The following FNDC3B variants were observed in gnomAD, a reference collection of about 807,000 sequenced individuals.
FNDC3B encodes fibronectin type III domain-containing protein 3B.
A neutral mutation model predicts 151.5 loss-of-function variants in FNDC3B; 12 were observed. The ratio of observed to expected loss-of-function variants is 0.08; its 90% confidence interval spans 0.05 to 0.13. The LOEUF (loss-of-function observed/expected upper bound fraction) is 0.13. Among genes scored for constraint, FNDC3B ranks in the 10% least tolerant of loss-of-function variants. FNDC3B has a pLI of 1.00. For synonymous variants in FNDC3B, 528 were observed against 549.0 expected, an observed-to-expected ratio of 0.96 and a Z score of 0.54; for missense variants, 1,214 against 1,505.3, an observed-to-expected ratio of 0.81 and a Z score of 3.20.
At chr3:172,134,188 A>G (rs1721247832) in intron 3 of FNDC3B, among the ~76,000 whole-genome samples, 2 of 152,138 alleles carry the variant, frequency 1.3e-5, no homozygotes, top group African/African-American at 4.8e-5. Flanking sequence ...AGGTGTAGGT[A>G]AGGCTTTTGG....
chr3:172,259,508 A>T (rs1728532849), intron 6 of FNDC3B, among the ~76,000 whole-genome samples: 1 of 152,230 alleles, frequency 6.6e-6, no homozygotes, highest in South Asian at 2.1e-4. Context: ...GCTGCTCATT[A>T]ACATGCGCTT....
intron 3 of FNDC3B, among the ~76,000 whole-genome samples, chr3:172,156,016 T>A (rs1722464446): frequency 6.6e-6 from 1 of 152,212 alleles, no homozygotes; most frequent in African/African-American, 2.4e-5. Context: ...AGACTCTTTT[T>A]CTAAATGGTT....
At chr3:172,205,678 G>A (rs1725388839) in intron 3 of FNDC3B, among the ~76,000 whole-genome samples, 1 of 152,196 alleles carries the variant, frequency 6.6e-6, no homozygotes, top group Admixed American at 6.5e-5. Flanking sequence ...ATTTCTTGGA[G>A]TATGTGTATC....
At chr3:172,396,793 G>A (rs556895715) in intron 25 of FNDC3B, among the ~76,000 whole-genome samples, 5 of 152,180 alleles carry the variant, frequency 3.3e-5, no homozygotes, top group Non-Finnish European at 7.3e-5. Flanking sequence ...ACCCCTGTCC[G>A]TGGAAAACTT....
rs575777889 is a variant in FNDC3B at position 172,169,156 on chromosome 3, G to A, written c.187+35610G>A. Among the ~76,000 whole-genome samples the A allele has an allele frequency of 2.0e-5, 3 of 152,214 alleles. No individual in the cohort carries two copies. The South Asian group carries it at 6.2e-4, about 32-fold the overall frequency. On this transcript the variant is annotated intron_variant, in intron 3 of 25. Coordinates refer to ENST00000415807, the MANE Select transcript of FNDC3B (RefSeq NM_022763.4). The stretch of plus-strand genomic sequence containing the variant: ...CACTGATGTTTGAGGTTCTTCACCA[G>A]CAAGCCCACGTCAGCACTCGGTCAT...
intron 21 of FNDC3B, among the ~76,000 whole-genome samples, chr3:172,349,904 C>T (rs867534263): frequency 6.6e-6 from 1 of 152,184 alleles, no homozygotes; most frequent in Non-Finnish European, 1.5e-5. Context: ...GATCCACCCG[C>T]CTCAGCCTCG....
rs879889908 is a variant in FNDC3B at position 172,040,260 on chromosome 3, ATGG to A, written c.-29+493_-29+495del. 2.6e-5 allele frequency among the ~76,000 whole-genome samples: 4 copies of A among 151,076 alleles called. No individual in the cohort carries two copies. The highest frequency in any genetic ancestry group is 5.9e-5 in the Non-Finnish European group (4 of 67,714). On this transcript the variant is annotated intron_variant, in intron 1 of 25. Transcript: ENST00000415807. This position sits in a 1 kb window ranked among gnomAD's most constrained non-coding sequence, Gnocchi z 6.6. ...ACTTTCTGAGGCTGTAGATTTCCATATGGTGGAGGGAAGAGGGCGGGAGTGCGA... is the reference window on the plus strand; with the variant it reads ...ACTTTCTGAGGCTGTAGATTTCCATATGGAGGGAAGAGGGCGGGAGTGCGA...
intron 3 of FNDC3B, among the ~76,000 whole-genome samples, chr3:172,172,486 T>C (rs978069660): frequency 6.6e-6 from 1 of 152,194 alleles, no homozygotes; most frequent in African/African-American, 2.4e-5. Flanking sequence ...TCAAAGATCC[T>C]TTTTTGTTGT....
intron 6 of FNDC3B, among the ~76,000 whole-genome samples, chr3:172,252,173 G>A (rs950417915): frequency 1.3e-5 from 2 of 152,112 alleles, no homozygotes; most frequent in African/African-American, 2.4e-5. Context: ...TTGGAGGAAG[G>A]TTTATGTGTT....
chr3:172,225,683 CG>C (rs1726530563), intron 3 of FNDC3B: 1 of 171,262 alleles, frequency 5.8e-6, no homozygotes, highest in Non-Finnish European at 1.3e-5. Flanking sequence ...AGATGAAGAG[CG>C]GACTCCTTTT....
chr3:172,112,005 A>G (rs552430959), intron 1 of FNDC3B, among the ~76,000 whole-genome samples: 140 of 152,358 alleles, frequency 9.2e-4, no homozygotes, highest in Non-Finnish European at 1.6e-3. Context: ...AACAAGTTAT[A>G]ATTGTAAATA....
intron 1 of FNDC3B, among the ~76,000 whole-genome samples, chr3:172,089,378 G>C (rs1475669144): frequency 6.6e-6 from 1 of 152,138 alleles, no homozygotes; most frequent in East Asian, 1.9e-4. Flanking sequence ...GAATTCATTA[G>C]GGATGAGGAA....
intron 13 of FNDC3B, 62 bp downstream of exon 13, chr3:172,330,777 A>AG: frequency 7.6e-7 from 1 of 1,318,726 alleles, no homozygotes; most frequent in Admixed American, 2.1e-5. Flanking sequence ...TTATAGCTAC[A>AG]GGGCACCATG....
chr3:172,147,902 T>A (rs1439184983), intron 3 of FNDC3B, among the ~76,000 whole-genome samples: 2 of 152,156 alleles, frequency 1.3e-5, no homozygotes, highest in Non-Finnish European at 2.9e-5. Flanking sequence ...TCCATCTAGA[T>A]GCAGAAAAAT....
intron 3 of FNDC3B, among the ~76,000 whole-genome samples, chr3:172,184,542 T>C (rs1043552138): frequency 6.6e-6 from 1 of 152,076 alleles, no homozygotes; most frequent in Non-Finnish European, 1.5e-5. Flanking sequence ...AAAAACCCCC[T>C]CAAATCCAGG....
chr3:172,097,782 C>T (rs1719164824), intron 1 of FNDC3B, among the ~76,000 whole-genome samples: 1 of 152,164 alleles, frequency 6.6e-6, no homozygotes, highest in Non-Finnish European at 1.5e-5. Context: ...GTAAAAGCAA[C>T]TTCCTGACAC....
At chr3:172,080,319 G>A (rs914289397) in intron 1 of FNDC3B, among the ~76,000 whole-genome samples, 7 of 152,002 alleles carry the variant, frequency 4.6e-5, no homozygotes, top group Non-Finnish European at 8.8e-5. Flanking sequence ...CACTCAGGCT[G>A]GGGTGCAGTG....
intron 3 of FNDC3B, among the ~76,000 whole-genome samples, chr3:172,204,674 A>T (rs1725332766): frequency 6.6e-6 from 1 of 152,168 alleles, no homozygotes; most frequent in Non-Finnish European, 1.5e-5. Flanking sequence ...GGTGAAAATA[A>T]AGTGGGTTTT....
At chr3:172,351,454 T>G (rs762860822) in intron 21 of FNDC3B, among the ~76,000 whole-genome samples, 29 of 152,316 alleles carry the variant, frequency 1.9e-4, no homozygotes, top group Admixed American at 7.8e-4. Context: ...GTCACAGTGC[T>G]AATGGGTTTT....
Sources: allele counts gnomAD v4.1 joint callset (sites outside exome capture counted in the v4.1 genomes callset), GRCh38; gene constraint gnomAD v4.1.1; non-coding constraint Gnocchi (gnomAD v3.1); transcripts MANE v1.5; gene names NCBI Gene and HGNC (gene_info 2026-07-23, HGNC 2026-07-21).